Variants in SEMA7A observed in about 807,000 individuals in gnomAD.
SEMA7A encodes the protein semaphorin-7A.
SEMA7A carries 21 observed loss-of-function variants against 67.5 expected under a neutral mutation model. The observed-to-expected ratio is 0.31, with a 90% CI of 0.22 to 0.45. The LOEUF (loss-of-function observed/expected upper bound fraction) is 0.45, where lower values mean the gene tolerates loss of function less well. Ranked by LOEUF, SEMA7A falls within the 20% of genes least tolerant of loss-of-function variation. SEMA7A has a pLI of 1.00. For missense variants in SEMA7A, 774 were observed against 908.6 expected, an observed-to-expected ratio of 0.85 and a Z score of 1.90; for synonymous variants, 364 against 368.5, an observed-to-expected ratio of 0.99 and a Z score of 0.14.
rs2060898751 is a variant in SEMA7A at position 74,411,382 on chromosome 15, T to C, written c.1578-26A>G. 3 of 1,612,068 alleles carry C rather than the reference T, an allele frequency of 1.9e-6. No individual in the cohort carries two copies. The highest frequency in any genetic ancestry group is 2.7e-5 in the African/African-American group (2 of 74,796). On this transcript the variant is annotated intron_variant, in intron 12 of 13. Coordinates refer to ENST00000261918, the MANE Select transcript of SEMA7A (RefSeq NM_003612.5). This position sits in a 1 kb window ranked among gnomAD's most constrained non-coding sequence, Gnocchi z 4.4. The stretch of plus-strand genomic sequence containing the variant: ...CTGGAGTGGGAAGGACGAAAGAGGA[T>C]CAGCAGATACAAGGCTGCAGACCTG...
At chr15:74,427,657 C>T (rs28362876) in intron 1 of SEMA7A, among the ~76,000 whole-genome samples, 13,649 of 152,200 alleles carry the variant, frequency 0.09, 982 homozygotes, top group African/African-American at 0.2. Flanking sequence ...CTATGCTGCA[C>T]TCTGCCCCCA....
chr15:74,418,584 A>G lies in SEMA7A; in HGVS notation c.330+217T>C, dbSNP rs561682980. Among the ~76,000 whole-genome samples, 17 of 152,304 alleles carry G rather than the reference A, an allele frequency of 1.1e-4. No individual in the cohort carries two copies. The East Asian group carries it at 3.3e-3, about 29-fold the overall frequency. On this transcript the variant is annotated intron_variant, in intron 2 of 13. Coordinates refer to ENST00000261918, the MANE Select transcript of SEMA7A (RefSeq NM_003612.5). ...CCGCAGCAGCGCTGCCCAGCTGGCC[A>G]GGCCCATTAGCTCCTGTTTTTCTCC...
intron 7 of SEMA7A, 23 bp from the exon 8 acceptor site, chr15:74,416,008 A>G (rs1163797050): frequency 1.9e-6 from 3 of 1,609,286 alleles, no homozygotes; most frequent in Non-Finnish European, 2.6e-6. Context: ...AGGGGAGAAG[A>G]GGCCCCTCAG....
Position 74,414,431 on chromosome 15 carries a change from C to T in SEMA7A, c.1294+116G>A. 2 of 1,088,112 alleles carry T rather than the reference C, an allele frequency of 1.8e-6. No homozygotes were observed. Among genetic ancestry groups the T allele is most frequent in the Non-Finnish European group, 2.8e-6 (2 of 726,772 alleles). 67.4% of individuals were successfully genotyped at this position (1,088,112 alleles called of 1,614,324 possible). On this transcript the variant is annotated intron_variant, in intron 10 of 13. Transcript: ENST00000261918. This position sits in a 1 kb window ranked among gnomAD's most constrained non-coding sequence, Gnocchi z 4.1. Reference sequence around the variant, plus strand: ...CACATTAACCCCTGACAACTCCAGTCACTCAATTATTCCTTCCACATGTAA... The same window carrying T: ...CACATTAACCCCTGACAACTCCAGTTACTCAATTATTCCTTCCACATGTAA...
In SEMA7A at chr15:74,410,950, T is replaced by C; in HGVS notation, c.1675A>G (p.Asn559Asp). Residue 559 changes from asparagine to aspartate, a missense_variant, in exon 14 of 14, where the codon AAC becomes GAC. This residue lies in a region of SEMA7A where 427 missense variants were observed against 555.4 expected (regional missense o/e 0.77). Coordinates refer to ENST00000261918, the MANE Select transcript of SEMA7A (RefSeq NM_003612.5). The surrounding 1 kb of genome is among the most constrained non-coding windows in gnomAD (Gnocchi z 7.5). ...APLQKVSLAP[N>D]SRYYLSCPME... ...GGGCAGCTCAGGTAGTAGCGAGAGTTTGGGGCCAGGGAAACCTTCTGCAGT... is the reference window on the plus strand; with the variant it reads ...GGGCAGCTCAGGTAGTAGCGAGAGTCTGGGGCCAGGGAAACCTTCTGCAGT... 6.2e-7 allele frequency: 1 copy of C among 1,613,790 alleles called. No individual in the cohort carries two copies. The highest frequency in any genetic ancestry group is 8.5e-7 in the Non-Finnish European group (1 of 1,179,916).
intron 1 of SEMA7A, among the ~76,000 whole-genome samples, chr15:74,426,314 C>T (rs1342448237): frequency 6.6e-6 from 1 of 152,034 alleles, no homozygotes; most frequent in Non-Finnish European, 1.5e-5. Context: ...CTGTGGAAAA[C>T]TTGTTTTAAT....
rs1229302405 is a variant in SEMA7A, at chr15:74,414,635, G to A, written c.1206C>T (p.Phe402=). Residue 402 remains phenylalanine (F), a synonymous_variant, in exon 10 of 14, where the codon TTC becomes TTT. Coordinates refer to ENST00000261918, the MANE Select transcript of SEMA7A (RefSeq NM_003612.5). The surrounding 1 kb of genome is among the most constrained non-coding windows in gnomAD (Gnocchi z 4.1). The stretch of plus-strand genomic sequence containing the variant: ...CTTTCTGGTAGTGGTATTTAGAGTG[G>A]AACAATGGCGTCTTCAGAGGCCCCA... ...EPMGPLKTPL[F]HSKYHYQKVA... is the part of the protein sequence containing the mutation. The A allele has an allele frequency of 6.2e-7, 1 of 1,614,196 alleles. No homozygotes were observed. Among genetic ancestry groups the A allele is most frequent in the Non-Finnish European group, 8.5e-7 (1 of 1,180,032 alleles).
At chr15:74,413,669 C>T (rs2060920963) in intron 10 of SEMA7A, among the ~76,000 whole-genome samples, 1 of 152,176 alleles carries the variant, frequency 6.6e-6, no homozygotes, top group African/African-American at 2.4e-5. Context: ...AGGACCCAGG[C>T]CCTGCCCTGT....
rs779696020 is a variant in SEMA7A at position 74,413,096 on chromosome 15, G to GGCA, written c.1295-1085_1295-1084insTGC. Among the ~76,000 whole-genome samples, 49 of 141,822 alleles carry GGCA rather than the reference G, an allele frequency of 3.5e-4. 1 individual carries two copies. Among genetic ancestry groups the GGCA allele is most frequent in the Admixed American group, 1.8e-3 (25 of 14,012 alleles). 93.0% of individuals were successfully genotyped at this position (141,822 alleles called of 152,430 possible). On this transcript the variant is annotated intron_variant, in intron 10 of 13. Transcript: ENST00000261918. ...AAGCAGTCAGATGATTGCCTGCCTA[G>GGCA]GATGTTTCCTCTACACATCCGTGAT...
rs374718528 is a variant in SEMA7A, at chr15:74,432,964, G to T, written c.178+777C>A. 1.1e-4 allele frequency among the ~76,000 whole-genome samples: 16 copies of T among 152,226 alleles called. No homozygotes were observed. The South Asian group carries it at 1.7e-3, about 16-fold the overall frequency. On this transcript the variant is annotated intron_variant, in intron 1 of 13. Coordinates refer to ENST00000261918, the MANE Select transcript of SEMA7A (RefSeq NM_003612.5). ...CCCCCAGGTTCTTATTATCTACCCT[G>T]GCCTAAAGGCTGCACCCCCGCCCTA... is the stretch of plus-strand genomic sequence containing the variant.
At chr15:74,432,568 G>T (rs1000550324) in intron 1 of SEMA7A, among the ~76,000 whole-genome samples, 7 of 152,162 alleles carry the variant, frequency 4.6e-5, no homozygotes, top group African/African-American at 1.7e-4. Context: ...CTCAGCTACT[G>T]CGGCAGTTCG....
chr15:74,433,728 C>A lies in SEMA7A; in HGVS notation c.178+13G>T. The A allele has an allele frequency of 1.4e-6, 2 of 1,423,952 alleles. No homozygotes were observed. The highest frequency in any genetic ancestry group is 1.4e-5 in the South Asian group (1 of 69,908). 88.2% of individuals were successfully genotyped at this position (1,423,952 alleles called of 1,614,324 possible). Reference sequence around the variant, plus strand: ...CTGATCCCGCGCCTGACCGGCCGCGCGGCGCCGCCTACCTTTCCAGACGGC... The same window carrying A: ...CTGATCCCGCGCCTGACCGGCCGCGAGGCGCCGCCTACCTTTCCAGACGGC... On this transcript the variant is annotated intron_variant, in intron 1 of 13. Transcript: ENST00000261918.
intron 1 of SEMA7A, among the ~76,000 whole-genome samples, chr15:74,420,351 G>A (rs2060989846): frequency 6.6e-6 from 1 of 152,146 alleles, no homozygotes; most frequent in Admixed American, 6.5e-5. Context: ...AGGTACCCTG[G>A]GAGACATGCC....
Position 74,418,847 on chromosome 15 carries a change from A to ACCTTG in SEMA7A, c.279_283dup (p.Val95AlafsTer19), listed in dbSNP as rs2060975662. 6.2e-7 allele frequency: 1 copy of ACCTTG among 1,613,686 alleles called. No homozygotes were observed. The highest frequency in any genetic ancestry group is 1.3e-5 in the African/African-American group (1 of 74,890). ...GCCCTCGGGGAAGTCAAAGAGGTAGACCTTGCCACGTCCTCCCACCCACAC... is the reference window on the plus strand; with the variant it reads ...GCCCTCGGGGAAGTCAAAGAGGTAGACCTTGCCTTGCCACGTCCTCCCACCCACAC... On this transcript the variant is annotated frameshift_variant, in exon 2 of 14. Coordinates refer to ENST00000261918, the MANE Select transcript of SEMA7A (RefSeq NM_003612.5). LOFTEE classifies it high-confidence loss of function.
At chr15:74,417,561 C>T (rs1227341785) in intron 5 of SEMA7A, 30 bp downstream of exon 5, 2 of 1,603,434 alleles carry the variant, frequency 1.2e-6, no homozygotes, top group African/African-American at 1.3e-5. Flanking sequence ...GAAGCATCCC[C>T]CTGGGGCGCC....
intron 3 of SEMA7A, 62 bp from the exon 4 acceptor site, chr15:74,418,031 G>C: frequency 1.3e-6 from 2 of 1,545,376 alleles, no homozygotes; most frequent in South Asian, 1.1e-5. Context: ...GGCAAGCCTA[G>C]CACTAGGACC....
chr15:74,420,466 G>A (rs917935540), intron 1 of SEMA7A, among the ~76,000 whole-genome samples: 4 of 152,182 alleles, frequency 2.6e-5, no homozygotes, highest in Admixed American at 1.3e-4. Context: ...CACTGTCCTT[G>A]GGTGGTGTGG....
At chr15:74,428,394 G>T (rs1204494857) in intron 1 of SEMA7A, among the ~76,000 whole-genome samples, 1 of 152,202 alleles carries the variant, frequency 6.6e-6, no homozygotes, top group African/African-American at 2.4e-5. Context: ...CTGCCTCTTT[G>T]GGTGATCTCG....
At chr15:74,418,691 G>A in intron 2 of SEMA7A, 110 bp downstream of exon 2, 2 of 1,218,418 alleles carry the variant, frequency 1.6e-6, no homozygotes, top group South Asian at 2.8e-5. Context: ...ACGGAGGTGG[G>A]GGCAGTTTAG....
Sources: allele counts gnomAD v4.1 joint callset (sites outside exome capture counted in the v4.1 genomes callset), GRCh38; gene constraint gnomAD v4.1.1; regional missense constraint gnomAD v4.1.1; non-coding constraint Gnocchi (gnomAD v3.1); transcripts MANE v1.5; gene names NCBI Gene and HGNC (gene_info 2026-07-23, HGNC 2026-07-21).